The following FUT9 variants were observed in gnomAD, a reference collection of about 807,000 sequenced individuals.
FUT9 encodes the protein 4-galactosyl-N-acetylglucosaminide 3-alpha-L-fucosyltransferase 9.
A neutral mutation model predicts 29.7 loss-of-function variants in FUT9; 15 were observed. The observed-to-expected ratio is 0.51, with a 90% CI of 0.34 to 0.78. The LOEUF is 0.78. Ranked by LOEUF, FUT9 falls within the 30% of genes least tolerant of loss-of-function variation. The pLI is 0.01. For missense variants in FUT9, 319 were observed against 425.4 expected (o/e 0.75, Z 2.20); for synonymous variants, 169 against 153.7 (o/e 1.10, Z -0.74).
At chr6:96,173,306 T>C (rs1773146378) in intron 2 of FUT9, among the ~76,000 whole-genome samples, 1 of 152,026 alleles carries the variant, frequency 6.6e-6, no homozygotes, top group Non-Finnish European at 1.5e-5. Context: ...TTAACTGATA[T>C]TGTCTTGTTT....
At chr6:96,194,589 C>G (rs569550550) in intron 2 of FUT9, among the ~76,000 whole-genome samples, 133 of 152,020 alleles carry the variant, frequency 8.7e-4, no homozygotes, top group Non-Finnish European at 1.6e-3. Flanking sequence ...AAGGAAAAGA[C>G]GATGTCAAGA....
Position 96,203,831 on chromosome 6 carries a change from G to A in FUT9, c.676G>A (p.Val226Ile). Residue 226 changes from valine (V) to isoleucine (I), a missense_variant, in exon 3 of 3, where the codon GTC becomes ATC. Val to Ile is a conservative substitution (Grantham distance 29). Coordinates refer to ENST00000302103, the MANE Select transcript of FUT9 (RefSeq NM_006581.4). ...CTACGGGCAAGCATTTGGAGAATAT[G>A]TCAATGATAAAAATTTGATTCCTAC... Reference protein sequence around the residue: ...HTYGQAFGEYVNDKNLIPTIS... With the variant: ...HTYGQAFGEYINDKNLIPTIS... 5.0e-6 allele frequency: 8 copies of A among 1,611,434 alleles called. No individual in the cohort carries two copies. The highest frequency in any genetic ancestry group is 5.9e-6 in the Non-Finnish European group (7 of 1,177,834).
In FUT9 at chr6:96,179,291, C is replaced by T. The variant is rs57302767; in HGVS notation, c.-8-23857C>T. ...AGTAGATATTTATGTCTCCCGTGTA[C>T]CAGAAATTGTGCTAAGTACAAAGAA... On this transcript the variant is annotated intron_variant, in intron 2 of 2. Transcript: ENST00000302103. 4.2e-3 allele frequency among the ~76,000 whole-genome samples: 634 copies of T among 152,116 alleles called. 5 individuals carry two copies. The highest frequency in any genetic ancestry group is 0.015 in the African/African-American group (611 of 41,530).
intron 1 of FUT9, among the ~76,000 whole-genome samples, chr6:96,078,542 T>A (rs916604780): frequency 2.1e-5 from 3 of 145,610 alleles, no homozygotes; most frequent in African/African-American, 5.1e-5. Flanking sequence ...TGCCTCAGCC[T>A]CCCGAGTAGC....
intron 1 of FUT9, among the ~76,000 whole-genome samples, chr6:96,098,987 G>A (rs1000078213): frequency 7.2e-5 from 11 of 151,982 alleles, no homozygotes; most frequent in African/African-American, 2.7e-4. Flanking sequence ...ATTTTCTTTT[G>A]CATCTGTCTT....
chr6:96,029,994 C>T (rs534971658), intron 1 of FUT9, among the ~76,000 whole-genome samples: 18 of 151,502 alleles, frequency 1.2e-4, no homozygotes, highest in African/African-American at 2.7e-4. Flanking sequence ...ATCCAAGAAG[C>T]GAAATTGATC....
intron 1 of FUT9, among the ~76,000 whole-genome samples, chr6:96,033,825 CACAT>C (rs1225218236): frequency 2.0e-5 from 3 of 151,776 alleles, no homozygotes; most frequent in Admixed American, 6.6e-5. Flanking sequence ...TATGTAAACA[CACAT>C]ACAAATACAC....
chr6:96,047,602 G>A (rs1770586017), intron 1 of FUT9, among the ~76,000 whole-genome samples: 1 of 152,072 alleles, frequency 6.6e-6, no homozygotes, highest in African/African-American at 2.4e-5. Flanking sequence ...TTTCAGAAAG[G>A]AAATGCATTT....
At position 96,203,803 on chromosome 6, in the gene FUT9, T is replaced by C. The variant is rs1371274424; in HGVS notation, c.648T>C (p.His216=). The C allele has an allele frequency of 6.2e-7, 1 of 1,613,360 alleles. No individual in the cohort carries two copies. Among genetic ancestry groups the C allele is most frequent in the Admixed American group, 1.7e-5 (1 of 59,904 alleles). ...AGCTAAGCAAAAGCATTGAAATCCA[T>C]ACCTACGGGCAAGCATTTGGAGAAT... ...YNELSKSIEI[H]TYGQAFGEYV... The change falls in exon 3 of 3, where the codon CAT becomes CAC. Residue 216 remains histidine (H), a synonymous_variant. Transcript: ENST00000302103.
chr6:96,021,134 A>C (rs1257548763), intron 1 of FUT9, among the ~76,000 whole-genome samples: 1 of 152,020 alleles, frequency 6.6e-6, no homozygotes, highest in Non-Finnish European at 1.5e-5. Context: ...AAAGACCAAA[A>C]AAGAAAATCT....
At chr6:96,038,683 C>A (rs1288058715) in intron 1 of FUT9, among the ~76,000 whole-genome samples, 1 of 152,128 alleles carries the variant, frequency 6.6e-6, no homozygotes, top group African/African-American at 2.4e-5. Flanking sequence ...CTTCAACATC[C>A]ATCAATGACT....
chr6:96,155,276 T>C (rs1287687219), intron 2 of FUT9, among the ~76,000 whole-genome samples: 2 of 152,180 alleles, frequency 1.3e-5, no homozygotes, highest in African/African-American at 4.8e-5. Flanking sequence ...AAAAGGTCTT[T>C]CTTGTCTTTT....
intron 1 of FUT9, among the ~76,000 whole-genome samples, chr6:96,089,034 C>G (rs1210478711): frequency 2.0e-5 from 3 of 152,122 alleles, no homozygotes; most frequent in Non-Finnish European, 4.4e-5. Flanking sequence ...GATCCCATTA[C>G]TCTTCTACAT....
chr6:96,089,969 C>T (rs968410104), intron 1 of FUT9, among the ~76,000 whole-genome samples: 1 of 151,976 alleles, frequency 6.6e-6, no homozygotes, highest in African/African-American at 2.4e-5. Flanking sequence ...CTGAAAAGAA[C>T]CTGAAAACAT....
intron 1 of FUT9, among the ~76,000 whole-genome samples, chr6:96,097,299 C>G (rs942312138): frequency 3.3e-5 from 5 of 152,218 alleles, no homozygotes; most frequent in Admixed American, 6.5e-5. Flanking sequence ...TGTGCTGGAG[C>G]CAGCTCCCCA....
intron 1 of FUT9, among the ~76,000 whole-genome samples, chr6:96,096,348 T>C (rs999778550): frequency 6.6e-6 from 1 of 152,088 alleles, no homozygotes; most frequent in Non-Finnish European, 1.5e-5. Flanking sequence ...ATCTCAATAA[T>C]TGTACTAGTT....
intron 2 of FUT9, among the ~76,000 whole-genome samples, chr6:96,186,620 G>A (rs894240512): frequency 2.0e-5 from 3 of 152,184 alleles, no homozygotes; most frequent in Non-Finnish European, 2.9e-5. Flanking sequence ...TGGCTCACAC[G>A]ATTATGACAG....
At chr6:96,121,134 T>A (rs773441688) in intron 2 of FUT9, among the ~76,000 whole-genome samples, 11 of 152,154 alleles carry the variant, frequency 7.2e-5, no homozygotes, top group Non-Finnish European at 1.6e-4. Context: ...AACTAAAAAA[T>A]TAACATTAAT....
intron 1 of FUT9, among the ~76,000 whole-genome samples, chr6:96,029,357 T>A (rs762784842): frequency 5.3e-5 from 8 of 151,430 alleles, no homozygotes; most frequent in Non-Finnish European, 1.0e-4. Context: ...TGAGAAATAT[T>A]GGAAGCAGGG....
Sources: gnomAD v4.1 joint callset for allele counts (sites outside exome capture counted in the v4.1 genomes callset) on GRCh38, gnomAD v4.1.1 for gene constraint, MANE v1.5 for transcripts, NCBI Gene and HGNC (gene_info 2026-07-23, HGNC 2026-07-21) for gene names.